The following VAV3 variants were observed in gnomAD, a reference collection of about 807,000 sequenced individuals.
The protein encoded by VAV3 is vav guanine nucleotide exchange factor 3, also known as guanine nucleotide exchange factor VAV3.
A neutral mutation model predicts 131.2 loss-of-function variants in VAV3; 94 were observed. That is an observed-to-expected ratio of 0.72 (90% CI 0.61 to 0.85). The LOEUF is 0.85. Ranked by LOEUF, VAV3 falls within the 40% of genes least tolerant of loss-of-function variation. The pLI is 0.00. For missense variants in VAV3, 939 were observed against 1,002.7 expected (o/e 0.94, Z 0.86); for synonymous variants, 349 against 342.0 (o/e 1.02, Z -0.22).
At chr1:107,665,597 T>G (rs1039301970) in intron 19 of VAV3, among the ~76,000 whole-genome samples, 4 of 152,204 alleles carry the variant, frequency 2.6e-5, no homozygotes, top group Non-Finnish European at 5.9e-5. Flanking sequence ...GATACCTCAA[T>G]AATTATAGCT....
At chr1:107,687,289 G>A (rs1395541257) in intron 18 of VAV3, among the ~76,000 whole-genome samples, 1 of 151,984 alleles carries the variant, frequency 6.6e-6, no homozygotes, top group Non-Finnish European at 1.5e-5. Context: ...TATCCTATAT[G>A]TTCAAATTAT....
Position 107,696,895 on chromosome 1 carries a change from C to T in VAV3, c.1705+7655G>A, listed in dbSNP as rs144814042. ...ACCAGCATTTCCTCCAAATCCTAGG[C>T]CAGTCATGAAAAACTATATTACTGA... On this transcript the variant is annotated intron_variant, in intron 17 of 26. Coordinates refer to ENST00000370056, the MANE Select transcript of VAV3 (RefSeq NM_006113.5). 3.9e-5 allele frequency among the ~76,000 whole-genome samples: 6 copies of T among 152,278 alleles called. No individual in the cohort carries two copies. The East Asian group carries it at 7.7e-4, about 20-fold the overall frequency.
intron 15 of VAV3, among the ~76,000 whole-genome samples, chr1:107,733,123 C>T (rs1662359681): frequency 6.6e-6 from 1 of 152,172 alleles, no homozygotes; most frequent in Non-Finnish European, 1.5e-5. Flanking sequence ...CAGCAAACTC[C>T]AACAGACCTG....
intron 24 of VAV3, among the ~76,000 whole-genome samples, chr1:107,597,197 T>C (rs1229382965): frequency 1.3e-5 from 2 of 150,154 alleles, no homozygotes; most frequent in African/African-American, 4.9e-5. Flanking sequence ...TCAATGTTTC[T>C]ATTGGAGCGC....
intron 1 of VAV3, among the ~76,000 whole-genome samples, chr1:107,962,990 C>T (rs184294024): frequency 1.3e-5 from 2 of 152,304 alleles, no homozygotes; most frequent in African/African-American, 4.8e-5. Context: ...CTTATAATGA[C>T]AATCTTTGGT....
chr1:107,912,612 T>C (rs1403911904), intron 1 of VAV3, among the ~76,000 whole-genome samples: 2 of 152,212 alleles, frequency 1.3e-5, no homozygotes, highest in Admixed American at 6.5e-5. Flanking sequence ...ACTCTCTCCC[T>C]TCTCTGATCT....
chr1:107,736,387 G>T (rs1220775432), intron 15 of VAV3, among the ~76,000 whole-genome samples: 1 of 152,104 alleles, frequency 6.6e-6, no homozygotes, highest in Non-Finnish European at 1.5e-5. Context: ...GAAATAAAGG[G>T]TATTCAATTA....
chr1:107,871,794 G>A (rs553104741), intron 2 of VAV3, among the ~76,000 whole-genome samples: 1 of 152,224 alleles, frequency 6.6e-6, no homozygotes, highest in African/African-American at 2.4e-5. Flanking sequence ...CAAACAGAGG[G>A]AGAGCTTGGA....
intron 15 of VAV3, among the ~76,000 whole-genome samples, chr1:107,740,022 C>A (rs369994121): frequency 3.4e-4 from 52 of 152,314 alleles, no homozygotes; most frequent in African/African-American, 1.2e-3. Context: ...CATGGTGGCT[C>A]ACGCCTGAAA....
intron 22 of VAV3, among the ~76,000 whole-genome samples, chr1:107,605,335 G>C (rs927642418): frequency 1.3e-5 from 2 of 152,080 alleles, no homozygotes; most frequent in Admixed American, 1.3e-4. Context: ...CATAGGAGTG[G>C]TTAGCTATCT....
chr1:107,715,993 G>A (rs1557786407), intron 15 of VAV3, among the ~76,000 whole-genome samples: 2 of 152,130 alleles, frequency 1.3e-5, no homozygotes, highest in Admixed American at 6.6e-5. Flanking sequence ...TAATATTAGG[G>A]AACAAAAGAA....
chr1:107,899,915 G>C (rs892829154), intron 1 of VAV3, among the ~76,000 whole-genome samples: 3 of 152,124 alleles, frequency 2.0e-5, no homozygotes, highest in Non-Finnish European at 4.4e-5. Flanking sequence ...TGGCTCTTTA[G>C]TTTCCTGAAA....
Position 107,603,080 on chromosome 1 carries a change from G to T in VAV3, c.2099C>A (p.Thr700Asn), listed in dbSNP as rs748907634. The change falls in exon 23 of 27, where the codon ACC (threonine) becomes AAC (asparagine). Residue 700 changes from threonine (T) to asparagine (N), a missense_variant. Thr to Asn is a moderately conservative substitution (Grantham distance 65, BLOSUM62 0). Transcript: ENST00000370056. ...VNSTYLVRHR[T>N]KESGEYAISI... ...AATTGCATATTCTCCTGACTCTTTG[G>T]TCCTGTGCCTCACAAGGTAAGTACT... 1 of 1,613,376 alleles carries T rather than the reference G, an allele frequency of 6.2e-7. No homozygotes were observed. The highest frequency in any genetic ancestry group is 1.1e-5 in the South Asian group (1 of 90,978).
chr1:107,730,499 A>C (rs183095687), intron 15 of VAV3, among the ~76,000 whole-genome samples: 28 of 152,344 alleles, frequency 1.8e-4, no homozygotes, highest in African/African-American at 5.8e-4. Flanking sequence ...CGTTGCATTA[A>C]TCATATAAGG....
At chr1:107,717,832 A>T (rs1210180179) in intron 15 of VAV3, among the ~76,000 whole-genome samples, 1 of 152,088 alleles carries the variant, frequency 6.6e-6, no homozygotes, top group African/African-American at 2.4e-5. Context: ...AATATTGACA[A>T]TGGGGTGTTA....
chr1:107,799,318 A>C (rs1484534149), intron 2 of VAV3, among the ~76,000 whole-genome samples: 1 of 151,990 alleles, frequency 6.6e-6, no homozygotes, highest in Non-Finnish European at 1.5e-5. Flanking sequence ...TATCAAAAAA[A>C]AAAAAAAGAC....
chr1:107,944,757 AC>A (rs1470886536), intron 1 of VAV3, among the ~76,000 whole-genome samples: 1 of 152,070 alleles, frequency 6.6e-6, no homozygotes, highest in African/African-American at 2.4e-5. Flanking sequence ...GGCGTCCACT[AC>A]CACACCCAGC....
chr1:107,711,711 C>CTT (rs981218082), intron 15 of VAV3, among the ~76,000 whole-genome samples: 1 of 149,544 alleles, frequency 6.7e-6, no homozygotes, highest in South Asian at 2.1e-4. Flanking sequence ...CGTAAGTAGT[C>CTT]TTTTTTTTTT....
At chr1:107,802,543 T>C (rs1266618540) in intron 2 of VAV3, among the ~76,000 whole-genome samples, 2 of 152,194 alleles carry the variant, frequency 1.3e-5, no homozygotes, top group Non-Finnish European at 2.9e-5. Flanking sequence ...TTGAGGATTT[T>C]TATCATAAAG....
Sources: allele counts gnomAD v4.1 joint callset (sites outside exome capture counted in the v4.1 genomes callset), GRCh38; gene constraint gnomAD v4.1.1; transcripts MANE v1.5; gene names NCBI Gene and HGNC (gene_info 2026-07-23, HGNC 2026-07-21).